Variants in MYOM2 observed in about 807,000 individuals in gnomAD.
MYOM2 encodes the protein myomesin 2, also known as myomesin-2.
In MYOM2, 254 loss-of-function variants were observed where a neutral mutation model predicts 187.6. The ratio of observed to expected loss-of-function variants is 1.35; its 90% CI spans 1.22 to 1.50. MYOM2 has a LOEUF of 1.50. Ranked by LOEUF, MYOM2 falls within the 40% of genes most tolerant of loss-of-function variation. The pLI is 0.00. For missense variants in MYOM2, 2,796 were observed against 1,924.0 expected (o/e 1.45, Z -8.48); for synonymous variants, 981 against 753.8 (o/e 1.30, Z -4.94).
chr8:2,135,140 TG>T (rs1285712384), intron 32 of MYOM2, among the ~76,000 whole-genome samples: 2 of 152,190 alleles, frequency 1.3e-5, no homozygotes, highest in African/African-American at 4.8e-5. Flanking sequence ...TGTTGTTTTT[TG>T]TTTTGTTTTG....
intron 32 of MYOM2, among the ~76,000 whole-genome samples, chr8:2,133,004 T>G (rs35802755): frequency 0.14 from 21,095 of 152,022 alleles, 2,568 homozygotes; most frequent in African/African-American, 0.31. Flanking sequence ...TTTGTCCTGG[T>G]CGTGGCTTTA....
In MYOM2 at chr8:2,144,820, T is replaced by C; in HGVS notation, c.4237T>C (p.Ser1413Pro). 6.2e-7 allele frequency: 1 copy of C among 1,614,112 alleles called. No individual in the cohort carries two copies. Among genetic ancestry groups the C allele is most frequent in the Middle Eastern group, 1.6e-4 (1 of 6,062 alleles). Residue 1413 changes from serine to proline, a missense_variant, in exon 37 of 37, where the codon TCG (serine) becomes CCG (proline). Coordinates refer to ENST00000262113, the MANE Select transcript of MYOM2 (RefSeq NM_003970.4). Reference sequence around the variant, plus strand: ...CATCAAAGGCGTGACCTCCGAGGACTCGGGCAAGTACAGCATCAACATCAA... The same window carrying C: ...CATCAAAGGCGTGACCTCCGAGGACCCGGGCAAGTACAGCATCAACATCAA... ...MTIKGVTSED[S>P]GKYSINIKNK...
chr8:2,056,196 A>G (rs778910289), intron 3 of MYOM2, among the ~76,000 whole-genome samples: 3 of 152,182 alleles, frequency 2.0e-5, no homozygotes, highest in Non-Finnish European at 4.4e-5. Flanking sequence ...TTCAAGACAC[A>G]GGGGAGAGGA....
intron 8 of MYOM2, among the ~76,000 whole-genome samples, chr8:2,070,472 G>T (rs2129333809): frequency 6.6e-6 from 1 of 152,312 alleles, no homozygotes; most frequent in African/African-American, 2.4e-5. Context: ...GCAGGGATCA[G>T]TCCAAAGTGA....
intron 5 of MYOM2, 48 bp from the exon 6 acceptor site, chr8:2,059,105 C>T (rs1022646294): frequency 5.2e-6 from 8 of 1,542,126 alleles, no homozygotes; most frequent in Non-Finnish European, 6.3e-6. Flanking sequence ...TGCACACACA[C>T]AAAATACAAC....
At chr8:2,138,033 G>A (rs753895501) in intron 32 of MYOM2, among the ~76,000 whole-genome samples, 4 of 152,194 alleles carry the variant, frequency 2.6e-5, no homozygotes, top group African/African-American at 4.8e-5. Context: ...ACCATGTAAA[G>A]TCTAATTTTC....
At chr8:2,141,505 T>C (rs1443518869) in intron 34 of MYOM2, among the ~76,000 whole-genome samples, 1 of 152,184 alleles carries the variant, frequency 6.6e-6, no homozygotes, top group South Asian at 2.1e-4. Flanking sequence ...TAAACCTGAG[T>C]GGGGCTTTTG....
chr8:2,106,188 A>T, intron 21 of MYOM2, 54 bp from the exon 22 acceptor site: 1 of 1,558,096 alleles, frequency 6.4e-7, no homozygotes, highest in Non-Finnish European at 8.8e-7. Context: ...CCCAAAAGAG[A>T]GTTGAAAGAA....
At chr8:2,129,284 G>A (rs112538939) in intron 32 of MYOM2, 52 bp downstream of exon 32, 1 of 1,301,614 alleles carries the variant, frequency 7.7e-7, no homozygotes, top group East Asian at 2.3e-5. Context: ...GGCTGTCCAG[G>A]GCGCACAGCT....
At chr8:2,072,021 C>T (rs1404442972) in intron 8 of MYOM2, among the ~76,000 whole-genome samples, 1 of 152,236 alleles carries the variant, frequency 6.6e-6, no homozygotes, top group Non-Finnish European at 1.5e-5. Flanking sequence ...TGGGGGGACA[C>T]AGACATTCCG....
At chr8:2,134,373 A>C (rs1797990868) in intron 32 of MYOM2, among the ~76,000 whole-genome samples, 1 of 152,182 alleles carries the variant, frequency 6.6e-6, no homozygotes, top group African/African-American at 2.4e-5. Flanking sequence ...TTTTAGCTGG[A>C]ATACAACAAA....
chr8:2,065,712 T>A (rs1818997305), intron 6 of MYOM2, among the ~76,000 whole-genome samples: 1 of 152,204 alleles, frequency 6.6e-6, no homozygotes, highest in Admixed American at 6.5e-5. Context: ...TAGTTTCAAA[T>A]GAAAACATTT....
intron 21 of MYOM2, among the ~76,000 whole-genome samples, 192 bp from the exon 22 acceptor site, chr8:2,106,050 C>A (rs1796876567): frequency 6.6e-6 from 1 of 152,156 alleles, no homozygotes; most frequent in African/African-American, 2.4e-5. Flanking sequence ...AAGACTCAGT[C>A]ACTATCATGA....
At position 2,108,708 on chromosome 8, in the gene MYOM2, G is replaced by T. The variant is rs906438563; in HGVS notation, c.2999-78G>T. On this transcript the variant is annotated intron_variant, in intron 23 of 36. Coordinates refer to ENST00000262113, the MANE Select transcript of MYOM2 (RefSeq NM_003970.4). ...ATCCTGGGGGTTTCCAATCTTGCTC[G>T]TGTGTCGCCTTGCTGTTGTCTACAA... 7 of 1,379,676 alleles carry T rather than the reference G, an allele frequency of 5.1e-6. No individual in the cohort carries two copies. In the East Asian group the frequency reaches 6.9e-5, roughly 14 times the overall value. The allele number at this position is 1,379,676 out of a possible 1,614,324, so 85.5% of individuals were successfully genotyped here.
intron 9 of MYOM2, among the ~76,000 whole-genome samples, chr8:2,072,814 G>A (rs184792496): frequency 1.1e-4 from 16 of 152,342 alleles, no homozygotes; most frequent in Non-Finnish European, 1.8e-4. Context: ...CTGCATGGAA[G>A]GGGCTGGTTA....
intron 32 of MYOM2, among the ~76,000 whole-genome samples, chr8:2,134,302 G>A (rs1797982096): frequency 6.6e-6 from 1 of 152,086 alleles, no homozygotes; most frequent in Non-Finnish European, 1.5e-5. Flanking sequence ...TCAGTCACTC[G>A]GAAGCACGCC....
chr8:2,083,091 T>G (rs1819685394), intron 13 of MYOM2, among the ~76,000 whole-genome samples: 1 of 152,192 alleles, frequency 6.6e-6, no homozygotes, highest in African/African-American at 2.4e-5. Flanking sequence ...GAACCCAAAA[T>G]AAGATATTGA....
At chr8:2,120,841 CTTTGA>C (rs1797429133) in intron 28 of MYOM2, among the ~76,000 whole-genome samples, 1 of 149,178 alleles carries the variant, frequency 6.7e-6, no homozygotes, top group Admixed American at 6.7e-5. Context: ...AGAGCTAAGG[CTTTGA>C]TTTGATAGGT....
chr8:2,069,978 G>A (rs563279405), intron 8 of MYOM2, among the ~76,000 whole-genome samples: 1 of 152,264 alleles, frequency 6.6e-6, no homozygotes, highest in African/African-American at 2.4e-5. Context: ...GTCAAAACAA[G>A]GGCAGTGCAG....
Sources: gnomAD v4.1 joint callset for allele counts (sites outside exome capture counted in the v4.1 genomes callset) on GRCh38, gnomAD v4.1.1 for gene constraint, MANE v1.5 for transcripts, NCBI Gene and HGNC (gene_info 2026-07-23, HGNC 2026-07-21) for gene names.